The following SYNPR variants were observed in gnomAD, a reference collection of about 807,000 sequenced individuals.
SYNPR encodes synaptoporin.
Under a neutral mutation model 32.9 loss-of-function variants are expected in SYNPR, and 23 were observed. That is an observed-to-expected ratio of 0.70 (90% CI 0.50 to 0.99). The LOEUF (loss-of-function observed/expected upper bound fraction) is 0.99. Among genes scored for constraint, SYNPR ranks in the 50% least tolerant of loss-of-function variants. SYNPR has a pLI of 0.00. For missense variants in SYNPR, 318 were observed against 349.3 expected (o/e 0.91, Z 0.71); for synonymous variants, 146 against 135.9 (o/e 1.07, Z -0.52).
chr3:63,385,504 C>CT (rs1157333772), intron 2 of SYNPR, among the ~76,000 whole-genome samples: 1 of 152,202 alleles, frequency 6.6e-6, no homozygotes, highest in Non-Finnish European at 1.5e-5. Flanking sequence ...GGCTTGAACT[C>CT]TGAGCATTTT....
At chr3:63,596,128 T>C (rs1187318477) in intron 4 of SYNPR, among the ~76,000 whole-genome samples, 1 of 150,676 alleles carries the variant, frequency 6.6e-6, no homozygotes, top group East Asian at 2.0e-4. Context: ...TATATCTCCC[T>C]CCTTTGGAGG....
Position 63,568,152 on chromosome 3 carries a change from A to G in SYNPR, c.408+11411A>G, listed in dbSNP as rs1575715645. On this transcript the variant is annotated intron_variant, in intron 4 of 5. Coordinates refer to ENST00000478300, the MANE Select transcript of SYNPR (RefSeq NM_001130003.2). ...GTTAAATGCCATTGAGCTGCCACTT[A>G]CTCCACAGGCCAAGAATTAAATAAA... Among the ~76,000 whole-genome samples the G allele has an allele frequency of 2.0e-5, 3 of 152,290 alleles. No homozygotes were observed. The East Asian group carries it at 5.8e-4, about 29-fold the overall frequency.
chr3:63,575,094 T>C (rs961879926), intron 4 of SYNPR, among the ~76,000 whole-genome samples: 4 of 152,008 alleles, frequency 2.6e-5, no homozygotes, highest in Non-Finnish European at 4.4e-5. Context: ...AGCACCCGCA[T>C]TGAAGCAGGT....
At chr3:63,504,896 C>CA (rs1701557204) in intron 3 of SYNPR, among the ~76,000 whole-genome samples, 1 of 151,478 alleles carries the variant, frequency 6.6e-6, no homozygotes, top group Non-Finnish European at 1.5e-5. Flanking sequence ...CTCACGTGGA[C>CA]AGAGGGATGT....
intron 2 of SYNPR, among the ~76,000 whole-genome samples, chr3:63,308,687 A>G (rs1169121400): frequency 6.6e-6 from 1 of 151,776 alleles, no homozygotes; most frequent in Admixed American, 6.6e-5. Flanking sequence ...TGTAATTCTT[A>G]TCTTTGTTCC....
intron 3 of SYNPR, among the ~76,000 whole-genome samples, chr3:63,499,328 A>G (rs981367079): frequency 6.6e-6 from 1 of 152,172 alleles, no homozygotes; most frequent in Admixed American, 6.6e-5. Context: ...TATTTTGGAC[A>G]TGTAAATCTG....
At chr3:63,295,646 C>CA (rs1336917088) in intron 2 of SYNPR, among the ~76,000 whole-genome samples, 2 of 152,114 alleles carry the variant, frequency 1.3e-5, no homozygotes, top group East Asian at 1.9e-4. Flanking sequence ...CTCTGAAGTT[C>CA]AAAGCAAGTA....
chr3:63,296,974 C>T (rs1403703), intron 2 of SYNPR, among the ~76,000 whole-genome samples: 70,696 of 151,944 alleles, frequency 0.47, 16,644 homozygotes, highest in Middle Eastern at 0.52. Context: ...ACTAAGCAAG[C>T]TAGGGAACAA....
At chr3:63,348,571 C>G (rs1318021985) in intron 2 of SYNPR, among the ~76,000 whole-genome samples, 4 of 152,028 alleles carry the variant, frequency 2.6e-5, no homozygotes, top group African/African-American at 9.7e-5. Context: ...GTTACTTGTG[C>G]TTTTGACATC....
chr3:63,575,229 A>C (rs1702956358), intron 4 of SYNPR, among the ~76,000 whole-genome samples: 1 of 152,124 alleles, frequency 6.6e-6, no homozygotes, highest in Admixed American at 6.5e-5. Flanking sequence ...AAAAGAAATA[A>C]ATAGAAGCTT....
intron 2 of SYNPR, among the ~76,000 whole-genome samples, chr3:63,339,540 A>C (rs1301002333): frequency 6.6e-6 from 1 of 152,058 alleles, no homozygotes; most frequent in African/African-American, 2.4e-5. Context: ...CTCCAATTTT[A>C]CTTGTATTAA....
chr3:63,266,903 C>T (rs2086494916), intron 2 of SYNPR, among the ~76,000 whole-genome samples: 1 of 151,408 alleles, frequency 6.6e-6, no homozygotes, highest in Non-Finnish European at 1.5e-5. Context: ...TTTGTAAGTC[C>T]AAAGGAAAAA....
At chr3:63,266,296 A>G (rs2086484477) in intron 2 of SYNPR, among the ~76,000 whole-genome samples, 1 of 152,018 alleles carries the variant, frequency 6.6e-6, no homozygotes, top group Admixed American at 6.6e-5. Context: ...CACTATTGTT[A>G]CATTGCCTAT....
upstream of SYNPR, among the ~76,000 whole-genome samples, chr3:63,224,578 C>A (rs148305243): frequency 6.2e-4 from 94 of 152,308 alleles, no homozygotes; most frequent in African/African-American, 2.2e-3. Flanking sequence ...AGGCATGAAA[C>A]CTCTTGGAAA....
At chr3:63,334,166 T>G (rs1234128187) in intron 2 of SYNPR, among the ~76,000 whole-genome samples, 1 of 152,220 alleles carries the variant, frequency 6.6e-6, no homozygotes, top group Non-Finnish European at 1.5e-5. Flanking sequence ...TCAGAATAGC[T>G]CTTACATGTT....
chr3:63,523,961 T>A (rs1701957663), intron 3 of SYNPR, among the ~76,000 whole-genome samples: 2 of 152,118 alleles, frequency 1.3e-5, no homozygotes. Flanking sequence ...AGTGAAAGAT[T>A]TTTAGTAGAC....
At chr3:63,319,742 A>G (rs1439659071) in intron 2 of SYNPR, among the ~76,000 whole-genome samples, 2 of 152,022 alleles carry the variant, frequency 1.3e-5, no homozygotes, top group Non-Finnish European at 2.9e-5. Flanking sequence ...CAAAATACCA[A>G]TGACATTCCT....
In SYNPR at chr3:63,385,880, TG is replaced by T. The variant is rs2088036702; in HGVS notation, c.85-94947del. On this transcript the variant is annotated intron_variant, in intron 2 of 5. Coordinates refer to ENST00000478300, the MANE Select transcript of SYNPR (RefSeq NM_001130003.2). ...GTGGACTCTATTGAGACAAAACAAATGGGGGTTCTAACCTCAGAGAGCTAAA... is the reference window on the plus strand; with the variant it reads ...GTGGACTCTATTGAGACAAAACAAATGGGGTTCTAACCTCAGAGAGCTAAA... Among the ~76,000 whole-genome samples the T allele has an allele frequency of 2.6e-5, 4 of 152,254 alleles. No homozygotes were observed. The South Asian group carries it at 8.3e-4, about 32-fold the overall frequency.
chr3:63,436,889 CT>C (rs1338273662), intron 2 of SYNPR, among the ~76,000 whole-genome samples: 2 of 151,988 alleles, frequency 1.3e-5, no homozygotes, highest in African/African-American at 2.4e-5. Flanking sequence ...TCCTTTGTTT[CT>C]TTTTGAGACT....
Sources: allele counts gnomAD v4.1 joint callset (sites outside exome capture counted in the v4.1 genomes callset), GRCh38; gene constraint gnomAD v4.1.1; transcripts MANE v1.5; gene names NCBI Gene and HGNC (gene_info 2026-07-23, HGNC 2026-07-21).